ANK1: variants seen among roughly 807,000 people sequenced by gnomAD.
ANK1 encodes the protein ankyrin 1.
Under a neutral mutation model 210.4 loss-of-function variants are expected in ANK1, and 51 were observed. The ratio of observed to expected loss-of-function variants is 0.24; its 90% CI spans 0.19 to 0.31. The LOEUF (loss-of-function observed/expected upper bound fraction) is 0.31, where lower values mean the gene tolerates loss of function less well. ANK1 is among the 10% of genes least tolerant of loss of function. The pLI is 1.00. For synonymous variants in ANK1, 967 were observed against 1,025.9 expected, an observed-to-expected ratio of 0.94 and a Z score of 1.10; for missense variants, 2,051 against 2,504.4, an observed-to-expected ratio of 0.82 and a Z score of 3.86.
intron 22 of ANK1, among the ~76,000 whole-genome samples, chr8:41,700,795 C>G (rs779342492): frequency 6.6e-6 from 1 of 152,118 alleles, no homozygotes; most frequent in African/African-American, 2.4e-5. Context: ...CAGGGTCTTG[C>G]TCTGTCACCC....
At chr8:41,666,372 T>C (rs1810559659) in intron 39 of ANK1, among the ~76,000 whole-genome samples, 1 of 152,218 alleles carries the variant, frequency 6.6e-6, no homozygotes, top group Non-Finnish European at 1.5e-5. Context: ...TCTGCCTAGG[T>C]GGAGGAGTAA....
intron 37 of ANK1, among the ~76,000 whole-genome samples, chr8:41,675,647 C>T (rs1011704671): frequency 7.2e-5 from 11 of 152,054 alleles, no homozygotes; most frequent in East Asian, 3.9e-4. Context: ...TAAATTGATA[C>T]GTTGTGACAC....
rs147294599 is a variant in ANK1 at position 41,846,514 on chromosome 8, C to T, written c.126+49841G>A. ...CTGAAGGCAGGCAACTCTGAAGGCT[C>T]GCAGGGGCTGGCATTTGTCCCAGGA... is the stretch of plus-strand genomic sequence containing the variant. On this transcript the variant is annotated intron_variant, in intron 1 of 42. Transcript: ENST00000265709. Among the ~76,000 whole-genome samples the T allele has an allele frequency of 6.2e-4, 95 of 152,334 alleles. No individual in the cohort carries two copies. In the East Asian group the frequency reaches 0.018, roughly 28 times the overall value.
At position 41,823,395 on chromosome 8, in the gene ANK1, T is replaced by C. The variant is rs1804811564; in HGVS notation, c.127-65258A>G. Among the ~76,000 whole-genome samples the C allele has an allele frequency of 2.6e-5, 4 of 152,196 alleles. No homozygotes were observed. In the South Asian group the frequency reaches 8.3e-4, roughly 32 times the overall value. Reference sequence around the variant, plus strand: ...TTCTCCAGTGAAGTAATCTTTATATTAGAGATACTTTTCAATGTAGTTGTA... The same window carrying C: ...TTCTCCAGTGAAGTAATCTTTATATCAGAGATACTTTTCAATGTAGTTGTA... On this transcript the variant is annotated intron_variant, in intron 1 of 42. Transcript: ENST00000265709.
intron 1 of ANK1, among the ~76,000 whole-genome samples, chr8:41,768,818 T>A (rs1266624899): frequency 6.8e-6 from 1 of 147,314 alleles, no homozygotes; most frequent in African/African-American, 2.5e-5. Flanking sequence ...AAAAAAAAAA[T>A]TAATTAGCCA....
Position 41,802,962 on chromosome 8 carries a change from A to G in ANK1, c.127-44825T>C, listed in dbSNP as rs10088404. ...GGGAGAGAGAAAGGGGGGGGGGGAG[A>G]GAGAGAGAGATGAAAAAAGAAAGAG... On this transcript the variant is annotated intron_variant, in intron 1 of 42. Transcript: ENST00000265709. 8.2e-4 allele frequency among the ~76,000 whole-genome samples: 78 copies of G among 95,478 alleles called. 2 individuals are homozygous for G. The highest frequency in any genetic ancestry group is 1.1e-3 in the Non-Finnish European group (49 of 44,098). 62.6% of individuals were successfully genotyped at this position (95,478 alleles called of 152,430 possible).
intron 16 of ANK1, 92 bp from the exon 17 acceptor site, chr8:41,709,067 C>T (rs1051465370): frequency 2.2e-5 from 32 of 1,467,484 alleles, no homozygotes; most frequent in Middle Eastern, 2.4e-4. Flanking sequence ...GGTTCTTGGC[C>T]GGCTGGACAC....
intron 1 of ANK1, among the ~76,000 whole-genome samples, chr8:41,838,627 G>T (rs1427482028): frequency 2.0e-5 from 3 of 149,010 alleles, no homozygotes; most frequent in Non-Finnish European, 4.5e-5. Flanking sequence ...TTAGCCAGGT[G>T]CGGTGGTGCG....
rs147810527 is a variant in ANK1, at chr8:41,827,481, T to A, written c.126+68874A>T. Among the ~76,000 whole-genome samples the A allele has an allele frequency of 1.8e-3, 277 of 152,300 alleles. 2 individuals are homozygous for A. Among genetic ancestry groups the A allele is most frequent in the African/African-American group, 6.4e-3 (268 of 41,552 alleles). ...AGATGCAAACTCTCCACATACTATC[T>A]TCACAGCTTTAAAATAAAACAAAAT... On this transcript the variant is annotated intron_variant, in intron 1 of 42. Coordinates refer to the ANK1 transcript ENST00000265709.
rs1327415581 is a variant in ANK1 at position 41,696,344 on chromosome 8, G to A, written c.2960+19C>T. ...GGCACAGGGACAGGGGAGAACACGG[G>A]CTGCCCGCGCAAGCTCACCTCAGGA... On this transcript the variant is annotated intron_variant, in intron 26 of 42. Coordinates refer to ENST00000289734, the MANE Select transcript of ANK1 (RefSeq NM_000037.4). 1.9e-6 allele frequency: 3 copies of A among 1,611,970 alleles called. No individual in the cohort carries two copies. The highest frequency in any genetic ancestry group is 2.7e-5 in the African/African-American group (2 of 74,918).
chr8:41,821,965 G>A (rs942515742), intron 1 of ANK1, among the ~76,000 whole-genome samples: 5 of 151,750 alleles, frequency 3.3e-5, no homozygotes, highest in Admixed American at 2.6e-4. Flanking sequence ...CAAGAGAATC[G>A]CTTGAACCCA....
intron 1 of ANK1, among the ~76,000 whole-genome samples, chr8:41,885,815 T>C (rs1818359065): frequency 6.6e-6 from 1 of 152,238 alleles, no homozygotes; most frequent in African/African-American, 2.4e-5. Flanking sequence ...TGCAACTCTA[T>C]GGATGTTTCA....
chr8:41,684,891 T>C (rs1485539459), intron 36 of ANK1, among the ~76,000 whole-genome samples: 2 of 152,162 alleles, frequency 1.3e-5, no homozygotes, highest in Non-Finnish European at 2.9e-5. Context: ...TTCCAAATGC[T>C]AACAGTGCGC....
chr8:41,725,980 C>T (rs758692237), intron 5 of ANK1, 34 bp from the exon 6 acceptor site: 2 of 1,604,600 alleles, frequency 1.2e-6, no homozygotes, highest in Non-Finnish European at 1.7e-6. Flanking sequence ...TGCTCTGACT[C>T]GTCTGACGCC....
intron 3 of ANK1, among the ~76,000 whole-genome samples, chr8:41,732,489 C>T (rs538141784): frequency 9.3e-5 from 14 of 150,716 alleles, no homozygotes; most frequent in African/African-American, 3.2e-4. Flanking sequence ...CTCGGCTCAC[C>T]GCAACCTCCG....
At position 41,704,488 on chromosome 8, in the gene ANK1, G is replaced by C. The variant is rs1235217327; in HGVS notation, c.2098-16C>G. Reference sequence around the variant, plus strand: ...TGTAGCCCATCTGAAAAGCAGATGAGAAGGAGTGACCGGAGCTGTCCTGAG... The same window carrying C: ...TGTAGCCCATCTGAAAAGCAGATGACAAGGAGTGACCGGAGCTGTCCTGAG... On this transcript the variant is annotated splice_polypyrimidine_tract_variant and intron_variant, in intron 18 of 42. Transcript: ENST00000289734. This position sits in a 1 kb window ranked among gnomAD's most constrained non-coding sequence, Gnocchi z 4.1. The C allele has an allele frequency of 6.2e-7, 1 of 1,606,416 alleles. No individual in the cohort carries two copies. The highest frequency in any genetic ancestry group is 8.5e-7 in the Non-Finnish European group (1 of 1,173,042).
At chr8:41,669,392 G>A (rs946930217) in intron 38 of ANK1, among the ~76,000 whole-genome samples, 5 of 152,006 alleles carry the variant, frequency 3.3e-5, no homozygotes, top group African/African-American at 9.7e-5. Flanking sequence ...GCACTCCTGG[G>A]CTCAGGCGAT....
At position 41,654,096 on chromosome 8, in the gene ANK1, G is replaced by A. The variant is rs1437962256; in HGVS notation, c.*1694C>T. The stretch of plus-strand genomic sequence containing the variant: ...CTCCCGCAGAGCGGCGGGGCGGACG[G>A]GGCCGGGCCGTCCACACCGCGGCTC... On this transcript the variant is annotated 3_prime_UTR_variant, in exon 43 of 43. Coordinates refer to ENST00000289734, the MANE Select transcript of ANK1 (RefSeq NM_000037.4). The A allele has an allele frequency of 1.3e-5, 2 of 152,362 alleles. No individual in the cohort carries two copies. Among genetic ancestry groups the A allele is most frequent in the South Asian group, 2.1e-4 (1 of 4,828 alleles). 9.4% of individuals were successfully genotyped at this position (152,362 alleles called of 1,614,324 possible).
chr8:41,678,657 A>G (rs1428243909), intron 37 of ANK1, among the ~76,000 whole-genome samples: 1 of 152,226 alleles, frequency 6.6e-6, no homozygotes, highest in Non-Finnish European at 1.5e-5. Flanking sequence ...TATTGATCCT[A>G]CACATTCATC....
Sources: allele counts gnomAD v4.1 joint callset (sites outside exome capture counted in the v4.1 genomes callset), GRCh38; gene constraint gnomAD v4.1.1; non-coding constraint Gnocchi (gnomAD v3.1); transcripts MANE v1.5; gene names NCBI Gene and HGNC (gene_info 2026-07-23, HGNC 2026-07-21).